The following AKAP7 variants were observed in gnomAD, a reference collection of about 807,000 sequenced individuals.
AKAP7 encodes the protein A-kinase anchoring protein 7, also known as A kinase (PRKA) anchor protein 7.
A neutral mutation model predicts 39.5 loss-of-function variants in AKAP7; 39 were observed. The ratio of observed to expected loss-of-function variants is 0.99; its 90% confidence interval spans 0.76 to 1.29. The LOEUF (loss-of-function observed/expected upper bound fraction) is 1.29. AKAP7 is among the 50% of genes most tolerant of loss of function. The probability of loss-of-function intolerance (pLI) is 0.00; values close to 1 mark genes in which losing one functional copy is unlikely to be tolerated. For missense variants in AKAP7, 414 were observed against 407.7 expected (o/e 1.02, Z -0.13); for synonymous variants, 140 against 139.1 (o/e 1.01, Z -0.05).
chr6:131,138,846 T>A (rs1204007446), intron 1 of AKAP7, among the ~76,000 whole-genome samples: 1 of 151,964 alleles, frequency 6.6e-6, no homozygotes, highest in African/African-American at 2.4e-5. Flanking sequence ...TGCACTTAAA[T>A]GTTAGCTGTT....
chr6:131,178,685 A>G (rs1804811344), intron 5 of AKAP7, among the ~76,000 whole-genome samples: 1 of 151,870 alleles, frequency 6.6e-6, no homozygotes, highest in Non-Finnish European at 1.5e-5. Flanking sequence ...TAAAGTAGAC[A>G]AGGCCTCAAG....
At chr6:131,260,853 GA>G (rs904215693) in intron 7 of AKAP7, among the ~76,000 whole-genome samples, 3 of 151,970 alleles carry the variant, frequency 2.0e-5, no homozygotes, top group African/African-American at 7.2e-5. Context: ...AAATTTTCAT[GA>G]AAAAATGTCT....
At chr6:131,261,749 C>T (rs1204556996) in intron 7 of AKAP7, among the ~76,000 whole-genome samples, 1 of 152,058 alleles carries the variant, frequency 6.6e-6, no homozygotes, top group African/African-American at 2.4e-5. Flanking sequence ...TTGCCTCTGT[C>T]GTTCATGTCT....
chr6:131,165,060 T>G, intron 3 of AKAP7, 21 bp from the exon 4 acceptor site: 1 of 1,515,896 alleles, frequency 6.6e-7, no homozygotes, highest in East Asian at 2.4e-5. Context: ...ATTTTTTTTA[T>G]ATGTGTGTAT....
intron 1 of AKAP7, 129 bp downstream of exon 1, chr6:131,135,911 A>C (rs907290980): frequency 1.9e-6 from 2 of 1,050,890 alleles, no homozygotes; most frequent in African/African-American, 1.7e-5. Context: ...CCTCCTTCCC[A>C]AAAGGACTCA....
chr6:131,211,540 C>T (rs1043273656), intron 6 of AKAP7, among the ~76,000 whole-genome samples: 11 of 151,290 alleles, frequency 7.3e-5, no homozygotes, highest in East Asian at 5.8e-4. Context: ...CTGAGGTGGG[C>T]GGATCACGAG....
intron 5 of AKAP7, among the ~76,000 whole-genome samples, chr6:131,189,801 G>C (rs1245079775): frequency 6.6e-6 from 1 of 152,156 alleles, no homozygotes; most frequent in East Asian, 1.9e-4. Flanking sequence ...TTGTTCTTCA[G>C]ACAATTTTCA....
intron 2 of AKAP7, among the ~76,000 whole-genome samples, chr6:131,153,047 G>A (rs1802073285): frequency 6.7e-6 from 1 of 149,032 alleles, no homozygotes; most frequent in Non-Finnish European, 1.5e-5. Flanking sequence ...GGAGAATGGC[G>A]TGAACCCAGG....
In AKAP7 at chr6:131,199,530, T is replaced by C; in HGVS notation, c.659T>C (p.Leu220Ser). The C allele has an allele frequency of 6.2e-7, 1 of 1,612,044 alleles. No individual in the cohort carries two copies. The highest frequency in any genetic ancestry group is 1.1e-5 in the South Asian group (1 of 91,000). The change falls in exon 6 of 8, where the codon TTG (leucine) becomes TCG (serine). Residue 220 changes from leucine (L) to serine (S), a missense_variant. Transcript: ENST00000431975. ...GAGAGCAGAAGTTTTAAACCTCATTTGACCTTCATGAAGTTGTCAAAATCA... is the reference window on the plus strand; with the variant it reads ...GAGAGCAGAAGTTTTAAACCTCATTCGACCTTCATGAAGTTGTCAAAATCA... ...VGESRSFKPH[L>S]TFMKLSKSPW... is the part of the protein sequence containing the mutation.
intron 2 of AKAP7, among the ~76,000 whole-genome samples, chr6:131,146,124 G>A (rs1045629894): frequency 6.6e-6 from 1 of 152,150 alleles, no homozygotes; most frequent in Non-Finnish European, 1.5e-5. Flanking sequence ...CATTGAGAGG[G>A]TCCATCAGTG....
intron 7 of AKAP7, among the ~76,000 whole-genome samples, chr6:131,279,422 C>T (rs1160449479): frequency 6.6e-6 from 1 of 152,296 alleles, no homozygotes; most frequent in African/African-American, 2.4e-5. Context: ...GTGCATGCCA[C>T]CACGCCCAGC....
chr6:131,258,401 C>T (rs747703864), intron 7 of AKAP7, among the ~76,000 whole-genome samples: 2 of 152,208 alleles, frequency 1.3e-5, no homozygotes, highest in African/African-American at 4.8e-5. Context: ...AGCCATGCCT[C>T]TTACATGCCC....
chr6:131,237,309 G>A (rs556984942), intron 7 of AKAP7, among the ~76,000 whole-genome samples: 90 of 152,108 alleles, frequency 5.9e-4, no homozygotes, highest in Admixed American at 1.8e-3. Flanking sequence ...TCGGTTTGCC[G>A]GTATTTTATT....
rs193029316 is a variant in AKAP7, at chr6:131,212,550, T to C, written c.703-7111T>C. Among the ~76,000 whole-genome samples, 490 of 152,292 alleles carry C rather than the reference T, an allele frequency of 3.2e-3. 4 individuals are homozygous for C. The highest frequency in any genetic ancestry group is 0.011 in the African/African-American group (462 of 41,546). ...CTTCCTTGTTCCATTTCCTAAGTTA[T>C]AGGGGTGTCAATGTAAATCGCAATG... On this transcript the variant is annotated intron_variant, in intron 6 of 7. Transcript: ENST00000431975.
intron 3 of AKAP7, among the ~76,000 whole-genome samples, chr6:131,161,149 A>C (rs7752162): frequency 0.24 from 36,086 of 152,164 alleles, 5,371 homozygotes; most frequent in East Asian, 0.74. Context: ...AATGAAAGAA[A>C]TATCAAAAGA....
chr6:131,252,932 G>A lies in AKAP7; in HGVS notation c.851-28598G>A, dbSNP rs1812551593. ...CTCACTTCTTCTAATTCTGTAACAGGCGGTGGCCCTAGAATGTTCCTCCTT... is the reference window on the plus strand; with the variant it reads ...CTCACTTCTTCTAATTCTGTAACAGACGGTGGCCCTAGAATGTTCCTCCTT... On this transcript the variant is annotated intron_variant, in intron 7 of 7. Coordinates refer to ENST00000431975, the MANE Select transcript of AKAP7 (RefSeq NM_016377.4). The A allele has an allele frequency of 1.4e-5, 15 of 1,078,988 alleles. No homozygotes were observed. The South Asian group carries it at 2.1e-4, about 15-fold the overall frequency. The allele number at this position is 1,078,988 out of a possible 1,614,324, so 66.8% of individuals were successfully genotyped here. A position where few individuals can be genotyped will look rare whatever the true frequency, so the allele number is the denominator to read the frequency against.
intron 7 of AKAP7, among the ~76,000 whole-genome samples, chr6:131,239,496 G>A (rs1176976163): frequency 6.6e-6 from 1 of 152,198 alleles, no homozygotes; most frequent in Non-Finnish European, 1.5e-5. Flanking sequence ...ATATCCTGCA[G>A]AGTGTTTTCC....
rs144298731 is a variant in AKAP7 at position 131,230,126 on chromosome 6, T to C, written c.850+10318T>C. On this transcript the variant is annotated intron_variant, in intron 7 of 7. Coordinates refer to ENST00000431975, the MANE Select transcript of AKAP7 (RefSeq NM_016377.4). ...GGTGTATACCCAGTAATGGGATTTC[T>C]GGGTTGAATGGTAGCTCTGTTTTAA... Among the ~76,000 whole-genome samples, 765 of 152,356 alleles carry C rather than the reference T, an allele frequency of 5.0e-3. 7 individuals are homozygous for C. The highest frequency in any genetic ancestry group is 0.038 in the South Asian group (184 of 4,828).
intron 7 of AKAP7, among the ~76,000 whole-genome samples, chr6:131,245,134 A>G (rs1172781321): frequency 6.6e-6 from 1 of 152,188 alleles, no homozygotes; most frequent in East Asian, 1.9e-4. Flanking sequence ...TTGTTTCAGA[A>G]TCTTTCTCTT....
Sources: allele counts gnomAD v4.1 joint callset (sites outside exome capture counted in the v4.1 genomes callset), GRCh38; gene constraint gnomAD v4.1.1; transcripts MANE v1.5; gene names NCBI Gene and HGNC (gene_info 2026-07-23, HGNC 2026-07-21).